Variants in THSD4 observed in about 807,000 individuals in gnomAD.
The protein encoded by THSD4 is thrombospondin type-1 domain-containing protein 4.
A neutral mutation model predicts 119.0 loss-of-function variants in THSD4; 69 were observed. That is an observed-to-expected ratio of 0.58 (90% CI 0.48 to 0.71). The LOEUF (loss-of-function observed/expected upper bound fraction) is 0.71. Among genes scored for constraint, THSD4 ranks in the 30% least tolerant of loss-of-function variants. The pLI is 0.00. For synonymous variants in THSD4, 524 were observed against 540.4 expected, an observed-to-expected ratio of 0.97 and a Z score of 0.42; for missense variants, 1,393 against 1,391.1, an observed-to-expected ratio of 1.00 and a Z score of -0.02.
At chr15:71,747,108 C>G (rs889810550) in intron 13 of THSD4, 66 bp downstream of exon 13, 1 of 1,508,046 alleles carries the variant, frequency 6.6e-7, no homozygotes, top group Non-Finnish European at 8.9e-7. Context: ...TCCAGCCTCC[C>G]CCACCAAGAC....
intron 7 of THSD4, among the ~76,000 whole-genome samples, chr15:71,458,908 A>G (rs2047375654): frequency 6.6e-6 from 1 of 152,060 alleles, no homozygotes; most frequent in Non-Finnish European, 1.5e-5. Context: ...AAAAACCTTG[A>G]CTCTGTGATT....
intron 8 of THSD4, among the ~76,000 whole-genome samples, chr15:71,694,722 G>T (rs1174006845): frequency 1.3e-5 from 2 of 152,148 alleles, no homozygotes; most frequent in Admixed American, 6.5e-5. Flanking sequence ...AAATTTTCAG[G>T]ACATGCTGTT....
At chr15:71,190,394 A>G (rs1167651060) in intron 3 of THSD4, among the ~76,000 whole-genome samples, 1 of 152,180 alleles carries the variant, frequency 6.6e-6, no homozygotes, top group Non-Finnish European at 1.5e-5. Context: ...AGAAAACCAG[A>G]CTATTGGGCT....
At chr15:71,448,237 TC>T (rs553847943) in intron 7 of THSD4, among the ~76,000 whole-genome samples, 213 of 152,356 alleles carry the variant, frequency 1.4e-3, no homozygotes, top group African/African-American at 5.0e-3. Context: ...TATCATATTG[TC>T]CACATCCTCA....
chr15:71,304,072 G>A (rs1429244937), intron 6 of THSD4, among the ~76,000 whole-genome samples: 1 of 152,200 alleles, frequency 6.6e-6, no homozygotes. Context: ...CTTATTCTTG[G>A]CCTTTTTATG....
At chr15:71,508,989 AGGTGGAATCTTT>A (rs1006627996) in intron 7 of THSD4, among the ~76,000 whole-genome samples, 4 of 149,366 alleles carry the variant, frequency 2.7e-5, no homozygotes, top group African/African-American at 1.0e-4. Flanking sequence ...GGGAGGAGGC[AGGTGGAATCTTT>A]GGATACCGAG....
Position 71,682,855 on chromosome 15 carries a change from A to ACTTT in THSD4, c.1357+22173_1357+22176dup, listed in dbSNP as rs58309087. The stretch of plus-strand genomic sequence containing the variant: ...CATGGCAATTCTTCCCTCTTTTGCT[A>ACTTT]CTTTCTTTCTTTCTTTCTTTCTTTC... On this transcript the variant is annotated intron_variant, in intron 8 of 17. Coordinates refer to ENST00000261862, the MANE Select transcript of THSD4 (RefSeq NM_024817.3). Among the ~76,000 whole-genome samples, 1,045 of 108,894 alleles carry ACTTT rather than the reference A, an allele frequency of 9.6e-3. 64 individuals carry two copies. The highest frequency in any genetic ancestry group is 0.036 in the African/African-American group (979 of 27,050). The allele number at this position is 108,894 out of a possible 152,430, so 71.4% of individuals were successfully genotyped here. A position where few individuals can be genotyped will look rare whatever the true frequency, so the allele number is the denominator to read the frequency against.
intron 8 of THSD4, among the ~76,000 whole-genome samples, chr15:71,721,870 G>A (rs2052729355): frequency 1.3e-5 from 2 of 151,602 alleles, no homozygotes; most frequent in African/African-American, 4.8e-5. Context: ...CCAGCACTTG[G>A]GGAGGCCAAG....
At chr15:71,298,969 T>C (rs11854759) in intron 6 of THSD4, among the ~76,000 whole-genome samples, 7,247 of 152,278 alleles carry the variant, frequency 0.048, 200 homozygotes, top group South Asian at 0.086. Flanking sequence ...ACCTTTGTTG[T>C]TGAGTCCCTG....
chr15:71,463,918 T>C (rs1466846788), intron 7 of THSD4, among the ~76,000 whole-genome samples: 1 of 152,204 alleles, frequency 6.6e-6, no homozygotes, highest in African/African-American at 2.4e-5. Context: ...CTGTCATATG[T>C]TCCTGTGCAA....
intron 6 of THSD4, among the ~76,000 whole-genome samples, chr15:71,402,312 G>T (rs1241958338): frequency 6.6e-6 from 1 of 151,732 alleles, no homozygotes. Context: ...TCCCCATCCT[G>T]CACCCTCTCA....
At chr15:71,742,107 C>G (rs2053247325) in intron 11 of THSD4, among the ~76,000 whole-genome samples, 1 of 152,250 alleles carries the variant, frequency 6.6e-6, no homozygotes, top group Non-Finnish European at 1.5e-5. Context: ...CAGAATAAGT[C>G]TGTTCCCCTT....
At chr15:71,736,588 T>A (rs975666123) in intron 10 of THSD4, among the ~76,000 whole-genome samples, 3 of 152,048 alleles carry the variant, frequency 2.0e-5, no homozygotes, top group Admixed American at 1.3e-4. Context: ...TCTCTGTCTC[T>A]CTTGCTCTCT....
intron 3 of THSD4, among the ~76,000 whole-genome samples, chr15:71,191,904 CTTTT>C (rs11452105): frequency 7.0e-6 from 1 of 142,452 alleles, no homozygotes; most frequent in East Asian, 2.1e-4. Flanking sequence ...TCTTCTTCTT[CTTTT>C]TTTTTTTTTT....
At chr15:71,422,941 C>T (rs891117887) in intron 7 of THSD4, among the ~76,000 whole-genome samples, 14 of 152,050 alleles carry the variant, frequency 9.2e-5, no homozygotes, top group African/African-American at 3.4e-4. Flanking sequence ...TTTCTGCAAG[C>T]AGAGGAGTCT....
rs534732764 is a variant in THSD4, at chr15:71,632,143, T to C, written c.1153-28387T>C. On this transcript the variant is annotated intron_variant, in intron 7 of 17. Coordinates refer to ENST00000261862, the MANE Select transcript of THSD4 (RefSeq NM_024817.3). ...AGTCCAGTGCTCACTAATTATTAAC[T>C]ACTATCATTAGTTCTTGTTATTTGG... Among the ~76,000 whole-genome samples, 10 of 152,358 alleles carry C rather than the reference T, an allele frequency of 6.6e-5. No homozygotes were observed. In the South Asian group the frequency reaches 1.2e-3, roughly 19 times the overall value.
intron 7 of THSD4, among the ~76,000 whole-genome samples, chr15:71,593,859 G>T (rs1054308904): frequency 6.6e-6 from 1 of 151,928 alleles, no homozygotes; most frequent in Non-Finnish European, 1.5e-5. Flanking sequence ...AGCCATGATT[G>T]CGCCACTGCA....
intron 7 of THSD4, among the ~76,000 whole-genome samples, chr15:71,616,539 G>T (rs970993244): frequency 1.3e-5 from 2 of 152,162 alleles, no homozygotes; most frequent in African/African-American, 4.8e-5. Flanking sequence ...GACAAGTGGT[G>T]GCAACAGTGC....
intron 3 of THSD4, among the ~76,000 whole-genome samples, chr15:71,203,423 G>C (rs781360783): frequency 2.0e-5 from 3 of 152,188 alleles, no homozygotes; most frequent in Non-Finnish European, 2.9e-5. Context: ...GGGAGGCCAA[G>C]GTGGGCAGAT....
Sources: gnomAD v4.1 joint callset for allele counts (sites outside exome capture counted in the v4.1 genomes callset) on GRCh38, gnomAD v4.1.1 for gene constraint, MANE v1.5 for transcripts, NCBI Gene and HGNC (gene_info 2026-07-23, HGNC 2026-07-21) for gene names.